ALK: variants seen among roughly 807,000 people sequenced by gnomAD.
The protein encoded by ALK is ALK tyrosine kinase receptor.
A neutral mutation model predicts 163.1 loss-of-function variants in ALK; 74 were observed. The observed-to-expected ratio is 0.45, with a 90% CI of 0.38 to 0.55. The LOEUF (loss-of-function observed/expected upper bound fraction) is 0.55. ALK is among the 20% of genes least tolerant of loss of function. The pLI, the probability that ALK is intolerant of heterozygous loss-of-function variation, is 0.00. For missense variants in ALK, 2,063 were observed against 2,105.3 expected, an observed-to-expected ratio of 0.98 and a Z score of 0.39; for synonymous variants, 960 against 843.2, an observed-to-expected ratio of 1.14 and a Z score of -2.40.
intron 3 of ALK, among the ~76,000 whole-genome samples, chr2:29,636,332 AGAAAGAAAG>A: frequency 7.0e-6 from 1 of 143,260 alleles, no homozygotes; most frequent in African/African-American, 2.6e-5. Context: ...CCAAAAATAA[AGAAAGAAAG>A]AAAAGAAAAG....
At chr2:29,484,370 C>G (rs1671732239) in intron 4 of ALK, among the ~76,000 whole-genome samples, 1 of 152,064 alleles carries the variant, frequency 6.6e-6, no homozygotes, top group African/African-American at 2.4e-5. Flanking sequence ...TATACAAGCA[C>G]ACACACATAT....
chr2:29,683,981 T>A (rs903312698), intron 3 of ALK, among the ~76,000 whole-genome samples: 15 of 152,240 alleles, frequency 9.9e-5, no homozygotes, highest in African/African-American at 3.6e-4. Flanking sequence ...TCAACTTACG[T>A]TGAACCAGTC....
intron 5 of ALK, among the ~76,000 whole-genome samples, chr2:29,330,324 A>G (rs1038657369): frequency 6.6e-6 from 1 of 152,140 alleles, no homozygotes; most frequent in African/African-American, 2.4e-5. Context: ...TACTCTGCTG[A>G]TTGAAATCCT....
chr2:29,885,144 C>G (rs1009637271), intron 1 of ALK, among the ~76,000 whole-genome samples: 1 of 152,182 alleles, frequency 6.6e-6, no homozygotes, highest in Non-Finnish European at 1.5e-5. Context: ...CAGGAAGTAC[C>G]TTGCTAGTAA....
At chr2:29,218,884 A>G (rs1045018431) in intron 23 of ALK, among the ~76,000 whole-genome samples, 2 of 152,224 alleles carry the variant, frequency 1.3e-5, no homozygotes, top group African/African-American at 4.8e-5. Flanking sequence ...TGATGCCTGT[A>G]CCATGGCAGA....
chr2:29,824,813 A>C (rs974347515), intron 1 of ALK, among the ~76,000 whole-genome samples: 2 of 151,224 alleles, frequency 1.3e-5, no homozygotes, highest in African/African-American at 4.8e-5. Flanking sequence ...CTTTTGAGTT[A>C]ATGCTGAAAT....
intron 26 of ALK, 102 bp from the exon 27 acceptor site, chr2:29,197,778 C>T (rs1032080135): frequency 2.0e-6 from 2 of 993,682 alleles, no homozygotes; most frequent in Non-Finnish European, 3.2e-6. Flanking sequence ...CTTTTTTTCC[C>T]CCATTATACC....
chr2:29,906,949 T>G (rs1330120673), intron 1 of ALK, among the ~76,000 whole-genome samples: 9 of 137,314 alleles, frequency 6.6e-5, no homozygotes, highest in South Asian at 2.5e-4. Context: ...TTTTTTTTTT[T>G]TTTTTTTTTT....
intron 1 of ALK, among the ~76,000 whole-genome samples, chr2:29,782,409 G>A (rs188201737): frequency 2.0e-5 from 3 of 152,206 alleles, no homozygotes; most frequent in African/African-American, 7.2e-5. Flanking sequence ...CAGGATTCCT[G>A]CAGCCCTCAC....
intron 1 of ALK, among the ~76,000 whole-genome samples, chr2:29,771,440 TGAAC>T: frequency 6.6e-6 from 1 of 152,148 alleles, no homozygotes; most frequent in Non-Finnish European, 1.5e-5. Context: ...TGAATGGCTT[TGAAC>T]TTCTCAATAG....
chr2:29,325,238 A>C (rs1295412017), intron 6 of ALK, among the ~76,000 whole-genome samples: 1 of 152,188 alleles, frequency 6.6e-6, no homozygotes, highest in African/African-American at 2.4e-5. Context: ...CAGTGTGAAC[A>C]CCTGCTCAGA....
intron 4 of ALK, among the ~76,000 whole-genome samples, chr2:29,518,045 G>A (rs183096265): frequency 7.2e-5 from 11 of 152,314 alleles, no homozygotes; most frequent in Admixed American, 5.2e-4. Context: ...GAATAAAACA[G>A]GGTTGGTGGT....
intron 4 of ALK, among the ~76,000 whole-genome samples, chr2:29,473,509 C>A (rs751901199): frequency 1.7e-4 from 26 of 152,204 alleles, no homozygotes; most frequent in South Asian, 6.2e-4. Flanking sequence ...GGACTGTTGT[C>A]TGTAATATAT....
intron 3 of ALK, among the ~76,000 whole-genome samples, chr2:29,585,812 ATGT>A (rs1395527155): frequency 6.6e-6 from 1 of 151,918 alleles, no homozygotes; most frequent in Non-Finnish European, 1.5e-5. Flanking sequence ...ATTATAAATA[ATGT>A]TGTATTAAAA....
At position 29,196,815 on chromosome 2, in the gene ALK, C is replaced by A. The variant is rs2148141833; in HGVS notation, c.4119G>T (p.Arg1373Ser). 6.2e-7 allele frequency: 1 copy of A among 1,614,142 alleles called. No homozygotes were observed. Among genetic ancestry groups the A allele is most frequent in the Non-Finnish European group, 8.5e-7 (1 of 1,180,010 alleles). ...TQCWQHQPED[R>S]PNFAIILERI... ...TCTCCAAAATGATGGCAAAGTTGGG[C>A]CTGTCTTCAGGCTGATGTTGCCAGC... Residue 1373 changes from arginine to serine, a missense_variant, in exon 28 of 29, where the codon AGG becomes AGT. This residue lies in a region of ALK where 403 missense variants were observed against 366.2 expected (regional missense o/e 1.10). Transcript: ENST00000389048.
At chr2:29,733,845 G>T (rs532431388) in intron 1 of ALK, among the ~76,000 whole-genome samples, 1 of 152,108 alleles carries the variant, frequency 6.6e-6, no homozygotes, top group Non-Finnish European at 1.5e-5. Context: ...TGCAGGCAGC[G>T]ACAGGAGGGG....
intron 23 of ALK, among the ~76,000 whole-genome samples, chr2:29,217,240 AGT>A (rs1007591793): frequency 7.9e-5 from 11 of 139,370 alleles, no homozygotes; most frequent in African/African-American, 2.5e-4. Flanking sequence ...TTATGTCTGT[AGT>A]GTGTGATGTA....
At chr2:29,658,254 G>A (rs1677247046) in intron 3 of ALK, among the ~76,000 whole-genome samples, 1 of 152,164 alleles carries the variant, frequency 6.6e-6, no homozygotes, top group South Asian at 2.1e-4. Context: ...ATGTCAGCCT[G>A]CAGAAGTCCT....
At chr2:29,427,381 T>C (rs1261103484) in intron 4 of ALK, among the ~76,000 whole-genome samples, 3 of 152,114 alleles carry the variant, frequency 2.0e-5, no homozygotes, top group African/African-American at 4.8e-5. Context: ...TGTATAGTTG[T>C]AATATGTATG....
Sources: gnomAD v4.1 joint callset for allele counts (sites outside exome capture counted in the v4.1 genomes callset) on GRCh38, gnomAD v4.1.1 for gene constraint, gnomAD v4.1.1 regional missense constraint, MANE v1.5 for transcripts, NCBI Gene and HGNC (gene_info 2026-07-23, HGNC 2026-07-21) for gene names.